Variants in TAF1B observed in about 807,000 individuals in gnomAD.
The protein encoded by TAF1B is TATA-box binding protein associated factor, RNA polymerase I subunit B.
A neutral mutation model predicts 83.9 loss-of-function variants in TAF1B; 61 were observed. The observed-to-expected ratio is 0.73, with a 90% CI of 0.59 to 0.90. The LOEUF is 0.90. Among genes scored for constraint, TAF1B ranks in the 40% least tolerant of loss-of-function variants. The pLI is 0.00. For missense variants in TAF1B, 625 were observed against 677.0 expected, an observed-to-expected ratio of 0.92 and a Z score of 0.85; for synonymous variants, 221 against 224.6, an observed-to-expected ratio of 0.98 and a Z score of 0.14.
intron 11 of TAF1B, among the ~76,000 whole-genome samples, chr2:9,911,764 T>C (rs1361008487): frequency 6.6e-6 from 1 of 152,240 alleles, no homozygotes; most frequent in East Asian, 1.9e-4. Flanking sequence ...GTCCGTATTA[T>C]ATGTAAGACC....
At chr2:9,878,461 T>C (rs1664390907) in intron 7 of TAF1B, among the ~76,000 whole-genome samples, 1 of 152,150 alleles carries the variant, frequency 6.6e-6, no homozygotes, top group Admixed American at 6.5e-5. Flanking sequence ...GAACACAGTT[T>C]TAAGGGAGTA....
chr2:9,856,582 C>T (rs1038223065), intron 5 of TAF1B, among the ~76,000 whole-genome samples: 1 of 152,164 alleles, frequency 6.6e-6, no homozygotes, highest in African/African-American at 2.4e-5. Context: ...TTTAAAATTT[C>T]ATATCTAAGG....
intron 6 of TAF1B, among the ~76,000 whole-genome samples, chr2:9,869,700 A>G (rs1020858495): frequency 2.7e-5 from 4 of 149,952 alleles, no homozygotes; most frequent in African/African-American, 9.8e-5. Context: ...ACATGGAGAA[A>G]CCCCATCTCT....
rs555730417 is a variant in TAF1B, at chr2:9,863,079, C to G, written c.400-5197C>G. 5.3e-5 allele frequency among the ~76,000 whole-genome samples: 8 copies of G among 152,302 alleles called. No homozygotes were observed. The East Asian group carries it at 1.5e-3, about 29-fold the overall frequency. On this transcript the variant is annotated intron_variant, in intron 5 of 14. Transcript: ENST00000263663. ...AGCTATAACATCATAATGACAGGAT[C>G]AGATTCACACATAACAATATTAACC...
chr2:9,905,110 G>C, intron 9 of TAF1B, 104 bp downstream of exon 9: 1 of 978,064 alleles, frequency 1.0e-6, no homozygotes, highest in South Asian at 2.1e-5. Context: ...CACCTGAAAA[G>C]GTCCATGGTT....
intron 3 of TAF1B, 37 bp downstream of exon 3, chr2:9,849,497 T>G: frequency 7.2e-7 from 1 of 1,392,016 alleles, no homozygotes; most frequent in African/African-American, 1.5e-5. Context: ...ACATTCTTTA[T>G]TCACATCTTT....
At chr2:9,898,355 T>TTA (rs1333719097) in intron 8 of TAF1B, among the ~76,000 whole-genome samples, 1 of 152,234 alleles carries the variant, frequency 6.6e-6, no homozygotes, top group Non-Finnish European at 1.5e-5. Flanking sequence ...GAGCAGTGCA[T>TTA]TATATAAGCC....
At chr2:9,922,984 C>T (rs1471135271) in intron 14 of TAF1B, among the ~76,000 whole-genome samples, 1 of 152,198 alleles carries the variant, frequency 6.6e-6, no homozygotes, top group Non-Finnish European at 1.5e-5. Context: ...GTGGCTCCAC[C>T]TGTAATCCTA....
At chr2:9,885,531 G>C (rs10929618) in intron 8 of TAF1B, among the ~76,000 whole-genome samples, 34,689 of 152,172 alleles carry the variant, frequency 0.23, 4,811 homozygotes, top group East Asian at 0.31. Context: ...AGAACAACTT[G>C]AGTGGGAGCA....
intron 9 of TAF1B, among the ~76,000 whole-genome samples, chr2:9,909,252 G>T (rs1007253093): frequency 6.6e-6 from 1 of 152,164 alleles, no homozygotes; most frequent in Admixed American, 6.5e-5. Context: ...AGTTTAAGAG[G>T]GAAACAGAAA....
chr2:9,888,295 A>G (rs545612347), intron 8 of TAF1B, among the ~76,000 whole-genome samples: 1 of 147,652 alleles, frequency 6.8e-6, no homozygotes, highest in South Asian at 2.2e-4. Flanking sequence ...TTTCACTTCT[A>G]CCTTAATGCA....
chr2:9,890,754 A>G (rs1462543847), intron 8 of TAF1B, among the ~76,000 whole-genome samples: 1 of 152,114 alleles, frequency 6.6e-6, no homozygotes, highest in Admixed American at 6.6e-5. Context: ...ATGGTGAGAC[A>G]TTTGAAATTT....
intron 1 of TAF1B, 148 bp from the exon 2 acceptor site, chr2:9,845,072 C>T (rs375272686): frequency 7.6e-5 from 36 of 474,596 alleles, no homozygotes; most frequent in South Asian, 6.3e-4. Flanking sequence ...TCCTTGTTTG[C>T]GGATAATCTC....
intron 14 of TAF1B, 56 bp downstream of exon 14, chr2:9,919,876 G>T: frequency 6.6e-7 from 1 of 1,504,146 alleles, no homozygotes; most frequent in Non-Finnish European, 9.1e-7. Context: ...CTGTATAAGA[G>T]CCAGATAGGT....
intron 5 of TAF1B, 133 bp from the exon 6 acceptor site, chr2:9,868,143 G>T: frequency 1.2e-6 from 1 of 866,750 alleles, no homozygotes; most frequent in Non-Finnish European, 1.8e-6. Context: ...GAAGTAAAGG[G>T]ACTTGGCAGG....
At position 9,876,027 on chromosome 2, in the gene TAF1B, G is replaced by A. The variant is rs757762514; in HGVS notation, c.707+9G>A. 7.5e-6 allele frequency: 12 copies of A among 1,596,424 alleles called. No individual in the cohort carries two copies. Among genetic ancestry groups the A allele is most frequent in the Non-Finnish European group, 1.0e-5 (12 of 1,166,794 alleles). On this transcript the variant is annotated intron_variant, in intron 7 of 14. Transcript: ENST00000263663. ...CTTTCAGATCTTTTGAGGTTAGCTAGACCTCTTGTATGATAATATTTTTGC... is the reference window on the plus strand; with the variant it reads ...CTTTCAGATCTTTTGAGGTTAGCTAAACCTCTTGTATGATAATATTTTTGC...
intron 2 of TAF1B, among the ~76,000 whole-genome samples, chr2:9,847,394 G>A (rs1434311514): frequency 6.6e-6 from 1 of 152,188 alleles, no homozygotes; most frequent in Non-Finnish European, 1.5e-5. Context: ...ATATAATGTG[G>A]TAGGGGCTCC....
chr2:9,903,021 T>C (rs1325063841), intron 8 of TAF1B, among the ~76,000 whole-genome samples: 3 of 152,262 alleles, frequency 2.0e-5, no homozygotes, highest in African/African-American at 7.2e-5. Flanking sequence ...ATCTTATTCA[T>C]GTTTTTATTT....
chr2:9,868,226 C>T, intron 5 of TAF1B, 50 bp from the exon 6 acceptor site: 1 of 1,413,554 alleles, frequency 7.1e-7, no homozygotes, highest in Non-Finnish European at 9.7e-7. Context: ...CAGAAATTAA[C>T]TGTTTAAAAC....
Sources: allele counts gnomAD v4.1 joint callset (sites outside exome capture counted in the v4.1 genomes callset), GRCh38; gene constraint gnomAD v4.1.1; transcripts MANE v1.5; gene names NCBI Gene and HGNC (gene_info 2026-07-23, HGNC 2026-07-21).